RTL4: variants seen among roughly 807,000 people sequenced by gnomAD.
RTL4 encodes the protein retrotransposon Gag like 4, also known as retrotransposon Gag-like protein 4.
In RTL4, 4 loss-of-function variants were observed where a neutral mutation model predicts 5.3. That is an observed-to-expected ratio of 0.75 (90% confidence interval 0.37 to 1.72). The LOEUF is 1.72. Ranked by LOEUF, RTL4 falls within the 40% of genes most tolerant of loss-of-function variation. The pLI is 0.04. For missense variants in RTL4, 260 were observed against 227.1 expected (o/e 1.14, Z -0.93); for synonymous variants, 98 against 87.3 (o/e 1.12, Z -0.68).
At chrX:112,231,177 G>A in the RTL4 span, among the ~76,000 whole-genome samples, 2 of 111,242 alleles carry the variant, frequency 1.8e-5, no homozygotes, top group East Asian at 5.7e-4. Context: ...GATTCCTCAG[G>A]AATCTAGAAC....
chrX:112,368,209 G>T, the RTL4 span, among the ~76,000 whole-genome samples: 15 of 111,643 alleles, frequency 1.3e-4, no homozygotes, highest in African/African-American at 4.9e-4. Context: ...CCAGGTGAAA[G>T]AAAATGATAG....
chrX:112,266,273 G>A, the RTL4 span, among the ~76,000 whole-genome samples: 1 of 111,510 alleles, frequency 9.0e-6, no homozygotes, highest in Non-Finnish European at 1.9e-5. Flanking sequence ...GGTGGGTGAA[G>A]GTTTTGCCTC....
the RTL4 span, among the ~76,000 whole-genome samples, chrX:112,111,603 G>A: frequency 0.17 from 18,583 of 112,164 alleles, 2,323 homozygotes; most frequent in African/African-American, 0.43. Flanking sequence ...TGCTATCTGT[G>A]TAAACATTTA....
the RTL4 span, among the ~76,000 whole-genome samples, chrX:112,325,027 C>A: frequency 1.3e-4 from 15 of 111,633 alleles, no homozygotes; most frequent in African/African-American, 4.6e-4. Context: ...AGAGCCAAAT[C>A]ATGAGTGAAC....
chrX:112,366,046 T>C, the RTL4 span, among the ~76,000 whole-genome samples: 1 of 111,095 alleles, frequency 9.0e-6, no homozygotes, highest in Non-Finnish European at 1.9e-5. Flanking sequence ...TAGTAGCCCA[T>C]GGGTATTGTC....
chrX:112,109,437 G>T, the RTL4 span, among the ~76,000 whole-genome samples: 1 of 111,472 alleles, frequency 9.0e-6, no homozygotes, highest in Non-Finnish European at 1.9e-5. Context: ...TGCTGGATGG[G>T]GTGGCCAGCT....
chrX:112,349,032 G>A, the RTL4 span, among the ~76,000 whole-genome samples: 2 of 110,838 alleles, frequency 1.8e-5, no homozygotes, highest in African/African-American at 6.5e-5. Flanking sequence ...TTAGAAATGA[G>A]GAAGTTGAAT....
chrX:112,189,084 G>T, the RTL4 span, among the ~76,000 whole-genome samples: 4 of 110,896 alleles, frequency 3.6e-5, no homozygotes, highest in Non-Finnish European at 7.6e-5. Context: ...AATCCCAAGC[G>T]CCATAATCCT....
chrX:112,334,912 T>C, the RTL4 span, among the ~76,000 whole-genome samples: 1 of 111,947 alleles, frequency 8.9e-6, no homozygotes, highest in Non-Finnish European at 1.9e-5. Flanking sequence ...TTCATAACAA[T>C]GTTGGTTGGA....
At chrX:112,322,330 T>C in the RTL4 span, among the ~76,000 whole-genome samples, 1 of 102,368 alleles carries the variant, frequency 9.8e-6, no homozygotes, top group Non-Finnish European at 1.9e-5. Context: ...CATTAATGAT[T>C]TGCCTAAGGT....
chrX:112,316,324 T>A, the RTL4 span, among the ~76,000 whole-genome samples: 3 of 111,976 alleles, frequency 2.7e-5, no homozygotes, highest in Non-Finnish European at 5.6e-5. Flanking sequence ...CTTAGGCATG[T>A]ATTATTTTGA....
At chrX:112,180,016 G>A in the RTL4 span, among the ~76,000 whole-genome samples, 1 of 111,118 alleles carries the variant, frequency 9.0e-6, no homozygotes, top group African/African-American at 3.3e-5. Flanking sequence ...GGCGTATTTT[G>A]CATCTAATTG....
the RTL4 span, among the ~76,000 whole-genome samples, chrX:112,400,083 A>T: frequency 6.3e-5 from 7 of 110,725 alleles, no homozygotes; most frequent in African/African-American, 2.3e-4. Context: ...TATTGTTCTT[A>T]GGGTTTTTGA....
chrX:112,445,863 G>T, the RTL4 span, among the ~76,000 whole-genome samples: 1 of 111,983 alleles, frequency 8.9e-6, no homozygotes, highest in Non-Finnish European at 1.9e-5. Context: ...ACATTTTATG[G>T]ATAAAGAAAA....
chrX:112,450,628 A>G (rs1180874209), upstream of RTL4, among the ~76,000 whole-genome samples: 1 of 111,545 alleles, frequency 9.0e-6, no homozygotes, highest in Non-Finnish European at 1.9e-5. Context: ...GTGTCATTGT[A>G]TGATTTGCAT....
At chrX:112,322,800 T>G in the RTL4 span, among the ~76,000 whole-genome samples, 1 of 111,931 alleles carries the variant, frequency 8.9e-6, no homozygotes, top group Non-Finnish European at 1.9e-5. Flanking sequence ...ATGCATACTT[T>G]TTTTGTATCT....
the RTL4 span, among the ~76,000 whole-genome samples, chrX:112,184,745 G>A: frequency 8.9e-6 from 1 of 111,855 alleles, no homozygotes; most frequent in Non-Finnish European, 1.9e-5. Flanking sequence ...TGCAACACAA[G>A]AATTCGTCAG....
chrX:112,360,222 G>T, the RTL4 span, among the ~76,000 whole-genome samples: 1 of 110,581 alleles, frequency 9.0e-6, no homozygotes, highest in African/African-American at 3.3e-5. Flanking sequence ...CATTTCTCTA[G>T]GTCCTTTTAA....
chrX:112,444,930 TTTTG>T, the RTL4 span, among the ~76,000 whole-genome samples: 1 of 112,156 alleles, frequency 8.9e-6, no homozygotes, highest in African/African-American at 3.2e-5. Flanking sequence ...GGTTTATCTA[TTTTG>T]TTTAACTTTT....
Sources: allele counts gnomAD v4.1 joint callset (sites outside exome capture counted in the v4.1 genomes callset), GRCh38; gene constraint gnomAD v4.1.1; transcripts MANE v1.5; gene names NCBI Gene and HGNC (gene_info 2026-07-23, HGNC 2026-07-21).